PPP1R21: variants seen among roughly 807,000 people sequenced by gnomAD.
PPP1R21 encodes the protein KLRAQ motif containing 1.
A neutral mutation model predicts 112.8 loss-of-function variants in PPP1R21; 85 were observed. The observed-to-expected ratio is 0.75, with a 90% CI of 0.63 to 0.90. PPP1R21 has a LOEUF of 0.90. Among genes scored for constraint, PPP1R21 ranks in the 40% least tolerant of loss-of-function variants. The pLI is 0.00. For synonymous variants in PPP1R21, 381 were observed against 322.3 expected (o/e 1.18, Z -1.95); for missense variants, 1,199 against 901.5 (o/e 1.33, Z -4.23).
At chr2:48,500,571 C>T (rs572120360) in intron 17 of PPP1R21, among the ~76,000 whole-genome samples, 1 of 152,020 alleles carries the variant, frequency 6.6e-6, no homozygotes, top group South Asian at 2.1e-4. Context: ...AACCTAAAAA[C>T]AACAACAACA....
At chr2:48,454,956 G>A (rs1366896652) in intron 3 of PPP1R21, among the ~76,000 whole-genome samples, 1 of 151,872 alleles carries the variant, frequency 6.6e-6, no homozygotes, top group East Asian at 1.9e-4. Flanking sequence ...TCCCACCTCC[G>A]CCCCCAGAGT....
intron 13 of PPP1R21, among the ~76,000 whole-genome samples, chr2:48,481,615 C>T (rs779070556): frequency 4.6e-5 from 7 of 152,064 alleles, no homozygotes; most frequent in Non-Finnish European, 8.8e-5. Flanking sequence ...CAATAGCTGA[C>T]GCTTATAATC....
At chr2:48,459,532 T>C (rs1572840715) in intron 4 of PPP1R21, among the ~76,000 whole-genome samples, 1 of 152,210 alleles carries the variant, frequency 6.6e-6, no homozygotes, top group South Asian at 2.1e-4. Context: ...TTAGACTAGT[T>C]ATTAACTCTT....
chr2:48,490,054 A>T (rs961058895), intron 14 of PPP1R21, among the ~76,000 whole-genome samples: 1 of 151,820 alleles, frequency 6.6e-6, no homozygotes. Flanking sequence ...CAAACAAACG[A>T]ACAAAAATAC....
intron 16 of PPP1R21, among the ~76,000 whole-genome samples, chr2:48,496,759 G>T (rs1669862325): frequency 6.6e-6 from 1 of 152,186 alleles, no homozygotes; most frequent in Non-Finnish European, 1.5e-5. Context: ...GAGCCATTGC[G>T]CCCAGTGGAG....
At chr2:48,470,401 C>T (rs1339827179) in intron 9 of PPP1R21, among the ~76,000 whole-genome samples, 1 of 151,722 alleles carries the variant, frequency 6.6e-6, no homozygotes, top group African/African-American at 2.4e-5. Flanking sequence ...ATCTGTAGTC[C>T]CAACTACTTG....
intron 7 of PPP1R21, among the ~76,000 whole-genome samples, chr2:48,461,936 A>G (rs1667996669): frequency 6.6e-6 from 1 of 152,234 alleles, no homozygotes; most frequent in Admixed American, 6.5e-5. Context: ...AGAGGAAGAA[A>G]AAAAAAGAAA....
chr2:48,469,510 AT>A (rs1668403609), intron 9 of PPP1R21, among the ~76,000 whole-genome samples: 1 of 4,128 alleles, frequency 2.4e-4, no homozygotes, highest in African/African-American at 1.7e-3. Context: ...TATATAGAGC[AT>A]ATATATATAT....
intron 15 of PPP1R21, among the ~76,000 whole-genome samples, chr2:48,494,459 C>T (rs1363243615): frequency 6.6e-6 from 1 of 151,736 alleles, no homozygotes; most frequent in Non-Finnish European, 1.5e-5. Context: ...CAGAGTCTTG[C>T]TCTGTCGCCC....
intron 12 of PPP1R21, among the ~76,000 whole-genome samples, chr2:48,476,755 A>G (rs1386695464): frequency 6.6e-6 from 1 of 152,254 alleles, no homozygotes; most frequent in East Asian, 1.9e-4. Flanking sequence ...TCTTGGAGAA[A>G]TATTTATTGA....
intron 1 of PPP1R21, among the ~76,000 whole-genome samples, chr2:48,450,015 A>G (rs1426345303): frequency 1.3e-5 from 2 of 152,234 alleles, no homozygotes; most frequent in East Asian, 1.9e-4. Flanking sequence ...ATAGATGTAT[A>G]CATAAGTAAA....
intron 13 of PPP1R21, among the ~76,000 whole-genome samples, chr2:48,484,234 C>G (rs992748114): frequency 6.6e-6 from 1 of 152,138 alleles, no homozygotes; most frequent in Non-Finnish European, 1.5e-5. Flanking sequence ...TCATCCTATA[C>G]CAATAAACTG....
At chr2:48,452,841 A>G (rs1399985784) in intron 2 of PPP1R21, among the ~76,000 whole-genome samples, 1 of 152,150 alleles carries the variant, frequency 6.6e-6, no homozygotes, top group Non-Finnish European at 1.5e-5. Context: ...TAGGAAAAAA[A>G]TTATTTTCTC....
rs946232198 is a variant in PPP1R21 at position 48,440,837 on chromosome 2, G to T, written c.-117G>T. 13 of 730,608 alleles carry T rather than the reference G, an allele frequency of 1.8e-5. No homozygotes were observed. The highest frequency in any genetic ancestry group is 2.7e-5 in the Non-Finnish European group (12 of 437,642). The allele number at this position is 730,608 out of a possible 1,614,324, so 45.3% of individuals were successfully genotyped here. On this transcript the variant is annotated 5_prime_UTR_variant, in exon 1 of 22. Coordinates refer to ENST00000294952, the MANE Select transcript of PPP1R21 (RefSeq NM_001135629.3). ...CGCGGCGGCGGCGGCGGCGGCGGCT[G>T]CGGTGGCCAAGCAGGCAGATACTGC...
At chr2:48,507,109 C>G in intron 18 of PPP1R21, 160 bp from the exon 19 acceptor site, 1 of 1,025,658 alleles carries the variant, frequency 9.7e-7, no homozygotes, top group Non-Finnish European at 1.3e-6. Context: ...ATACACTTCC[C>G]TGCTATGTCT....
intron 2 of PPP1R21, among the ~76,000 whole-genome samples, chr2:48,451,718 T>C (rs1233681803): frequency 6.6e-6 from 1 of 152,244 alleles, no homozygotes; most frequent in Admixed American, 6.5e-5. Flanking sequence ...GGATTTCTTC[T>C]TGGCCAAGTT....
intron 3 of PPP1R21, 24 bp downstream of exon 3, chr2:48,454,765 A>G (rs1477937920): frequency 1.3e-6 from 2 of 1,593,578 alleles, no homozygotes; most frequent in Non-Finnish European, 1.7e-6. Flanking sequence ...CAGGCAAGTT[A>G]GTGTGACCTT....
At chr2:48,489,338 A>G (rs1021348757) in intron 14 of PPP1R21, among the ~76,000 whole-genome samples, 1 of 150,886 alleles carries the variant, frequency 6.6e-6, no homozygotes, top group Admixed American at 6.6e-5. Flanking sequence ...CCTCATCTCT[A>G]CAAAATTAAA....
intron 12 of PPP1R21, chr2:48,479,565 GT>G (rs1194423423): frequency 2.0e-6 from 1 of 490,832 alleles, no homozygotes; most frequent in African/African-American, 2.0e-5. Context: ...GGGTAAGAGT[GT>G]TTTAGCGATG....
Sources: gnomAD v4.1 joint callset for allele counts (sites outside exome capture counted in the v4.1 genomes callset) on GRCh38, gnomAD v4.1.1 for gene constraint, MANE v1.5 for transcripts, NCBI Gene and HGNC (gene_info 2026-07-23, HGNC 2026-07-21) for gene names.